Variants in ATP2B2 observed in about 807,000 individuals in gnomAD.
ATP2B2 encodes the protein ATPase plasma membrane Ca2+ transporting 2.
A neutral mutation model predicts 120.0 loss-of-function variants in ATP2B2; 15 were observed. The ratio of observed to expected loss-of-function variants is 0.12; its 90% CI spans 0.08 to 0.19. The LOEUF is 0.19. ATP2B2 is among the 10% of genes least tolerant of loss of function. The pLI is 1.00. For synonymous variants in ATP2B2, 694 were observed against 700.3 expected, an observed-to-expected ratio of 0.99 and a Z score of 0.14; for missense variants, 1,045 against 1,719.8, an observed-to-expected ratio of 0.61 and a Z score of 6.94.
At chr3:10,695,251 G>GGAGGGGGAGGGAGAGA (rs60247955) in intron 1 of ATP2B2, among the ~76,000 whole-genome samples, 1 of 126,910 alleles carries the variant, frequency 7.9e-6, no homozygotes, top group African/African-American at 3.4e-5. Flanking sequence ...AGGGAGGGAG[G>GGAGGGGGAGGGAGAGA]GAGAGAGAGA....
chr3:10,460,068 C>G (rs1215769634), intron 1 of ATP2B2, among the ~76,000 whole-genome samples: 1 of 152,250 alleles, frequency 6.6e-6, no homozygotes, highest in African/African-American at 2.4e-5. Context: ...AGGCCTCAGG[C>G]TTCACCTCTG....
intron 2 of ATP2B2, among the ~76,000 whole-genome samples, chr3:10,588,549 C>A (rs572984086): frequency 9.2e-5 from 14 of 152,302 alleles, no homozygotes; most frequent in African/African-American, 3.4e-4. Flanking sequence ...AAGAGCACAT[C>A]ACCTCCTCTG....
chr3:10,372,745 T>A (rs570907474), intron 11 of ATP2B2, among the ~76,000 whole-genome samples: 1 of 152,282 alleles, frequency 6.6e-6, no homozygotes, highest in South Asian at 2.1e-4. Context: ...TTTTTTGAAA[T>A]TTATAACAAA....
chr3:10,368,196 TC>T (rs1221500677), intron 12 of ATP2B2, among the ~76,000 whole-genome samples: 1 of 148,690 alleles, frequency 6.7e-6, no homozygotes, highest in Non-Finnish European at 1.5e-5. Context: ...TTTTTTTTTT[TC>T]AGTAAAAGAC....
At chr3:10,354,516 G>A (rs2125426094) in intron 14 of ATP2B2, among the ~76,000 whole-genome samples, 1 of 152,310 alleles carries the variant, frequency 6.6e-6, no homozygotes, top group African/African-American at 2.4e-5. Context: ...GACAGCCGTT[G>A]TCTGTGACTC....
intron 1 of ATP2B2, among the ~76,000 whole-genome samples, chr3:10,702,816 G>A (rs2596850): frequency 6.6e-6 from 1 of 152,074 alleles, no homozygotes; most frequent in Non-Finnish European, 1.5e-5. Context: ...AAAACAGGGA[G>A]GCATTTTCTG....
Position 10,328,938 on chromosome 3 carries a change from G to A in ATP2B2, c.3608C>T (p.Pro1203Leu). 1.2e-6 allele frequency: 2 copies of A among 1,613,922 alleles called. No homozygotes were observed. The highest frequency in any genetic ancestry group is 1.7e-6 in the Non-Finnish European group (2 of 1,180,006). ...DAALKQNSSPPSSLNKNNSAI... is the reference protein window; with the variant it reads ...DAALKQNSSPLSSLNKNNSAI... Reference sequence around the variant, plus strand: ...GCTGTTGTTCTTGTTGAGGGATGACGGCGGGCTCGAGTTCTGCTTGAGCGC... The same window carrying A: ...GCTGTTGTTCTTGTTGAGGGATGACAGCGGGCTCGAGTTCTGCTTGAGCGC... Residue 1203 changes from proline (P) to leucine (L), a missense_variant, in exon 23 of 23, where the codon CCG becomes CTG. Coordinates refer to ENST00000360273, the MANE Select transcript of ATP2B2 (RefSeq NM_001001331.4).
At chr3:10,503,959 T>A (rs2066497684) in intron 1 of ATP2B2, among the ~76,000 whole-genome samples, 1 of 152,214 alleles carries the variant, frequency 6.6e-6, no homozygotes. Context: ...TTCAGGAACG[T>A]GGGTTGTATT....
chr3:10,444,493 G>A lies in ATP2B2; in HGVS notation c.199+4852C>T, dbSNP rs146659820. Among the ~76,000 whole-genome samples, 526 of 152,254 alleles carry A rather than the reference G, an allele frequency of 3.5e-3. 2 individuals are homozygous for A. The highest frequency in any genetic ancestry group is 0.012 in the African/African-American group (496 of 41,540). On this transcript the variant is annotated intron_variant, in intron 2 of 22. Coordinates refer to ENST00000360273, the MANE Select transcript of ATP2B2 (RefSeq NM_001001331.4). ...TGCTCTCTCGTCCTCCCTCAGCCCC[G>A]CTCTCTCCTCCACTTGGGCAGGCTG...
chr3:10,580,109 T>C (rs11709049), intron 2 of ATP2B2, among the ~76,000 whole-genome samples: 86,519 of 151,876 alleles, frequency 0.57, 25,398 homozygotes, highest in East Asian at 0.89. Flanking sequence ...GAGTGTGGAT[T>C]ACGGGCCATG....
chr3:10,506,281 CG>C (rs1179456464), upstream of ATP2B2, among the ~76,000 whole-genome samples: 3 of 151,812 alleles, frequency 2.0e-5, no homozygotes, highest in Admixed American at 2.0e-4. Flanking sequence ...CACCTGCCCT[CG>C]GGGGGGTGTG....
intron 2 of ATP2B2, among the ~76,000 whole-genome samples, chr3:10,547,275 C>T (rs567060380): frequency 1.0e-3 from 152 of 152,246 alleles, no homozygotes; most frequent in African/African-American, 3.4e-3. Context: ...TGGCCTCAGG[C>T]AAGTCCTCTC....
Position 10,401,085 on chromosome 3 carries a change from A to C in ATP2B2, c.656-7T>G, listed in dbSNP as rs1363644632. On this transcript the variant is annotated splice_polypyrimidine_tract_variant and splice_region_variant and intron_variant, in intron 4 of 22. Coordinates refer to ENST00000360273, the MANE Select transcript of ATP2B2 (RefSeq NM_001001331.4). ...TCGGCAGGGAGGAGGTCACCTGGCA[A>C]GAGGAAGGGCAGGGGAGTCAGCAGG... 1 of 1,613,718 alleles carries C rather than the reference A, an allele frequency of 6.2e-7. No homozygotes were observed. The highest frequency in any genetic ancestry group is 1.3e-5 in the African/African-American group (1 of 75,036).
chr3:10,407,406 T>G (rs2062451816), intron 3 of ATP2B2, among the ~76,000 whole-genome samples: 1 of 152,224 alleles, frequency 6.6e-6, no homozygotes, highest in Non-Finnish European at 1.5e-5. Context: ...CTTCTTCCTT[T>G]CCTTTTCCTC....
chr3:10,452,862 C>T (rs528619509), intron 1 of ATP2B2, among the ~76,000 whole-genome samples: 3 of 152,208 alleles, frequency 2.0e-5, no homozygotes, highest in Admixed American at 6.5e-5. Context: ...CAGTCCTTGA[C>T]GCTTAAGCAA....
In ATP2B2 at chr3:10,375,937, G is replaced by A. The variant is rs146759791; in HGVS notation, c.1202-293C>T. ...CCAGCATAGTGCTCGGCAATAGTAT[G>A]TGCTCGACACATAGTAGGTGCTCAA... is the stretch of plus-strand genomic sequence containing the variant. On this transcript the variant is annotated intron_variant, in intron 10 of 22. Transcript: ENST00000360273. This position sits in a 1 kb window ranked among gnomAD's most constrained non-coding sequence, Gnocchi z 4.2. 1.4e-4 allele frequency among the ~76,000 whole-genome samples: 21 copies of A among 152,354 alleles called. No individual in the cohort carries two copies. Among genetic ancestry groups the A allele is most frequent in the African/African-American group, 4.6e-4 (19 of 41,586 alleles).
chr3:10,465,241 A>G (rs2064685506), intron 1 of ATP2B2, among the ~76,000 whole-genome samples: 1 of 152,240 alleles, frequency 6.6e-6, no homozygotes. Context: ...AGGCTCCAGG[A>G]GACCCCAAAC....
chr3:10,636,220 T>C (rs1250221983), intron 1 of ATP2B2, among the ~76,000 whole-genome samples: 1 of 152,162 alleles, frequency 6.6e-6, no homozygotes, highest in Admixed American at 6.5e-5. Flanking sequence ...GCCGCTTCAC[T>C]CACCCAAGCA....
At chr3:10,398,284 C>G (rs1457793118) in intron 5 of ATP2B2, among the ~76,000 whole-genome samples, 1 of 152,240 alleles carries the variant, frequency 6.6e-6, no homozygotes, top group African/African-American at 2.4e-5. Flanking sequence ...TGCCCCTCTC[C>G]TTCCTGCCCA....
Sources: allele counts gnomAD v4.1 joint callset (sites outside exome capture counted in the v4.1 genomes callset), GRCh38; gene constraint gnomAD v4.1.1; non-coding constraint Gnocchi (gnomAD v3.1); transcripts MANE v1.5; gene names NCBI Gene and HGNC (gene_info 2026-07-23, HGNC 2026-07-21).